The following PCCA variants were observed in gnomAD, a reference collection of about 807,000 sequenced individuals.
The protein encoded by PCCA is propionyl-CoA carboxylase subunit alpha, also known as propionyl-CoA carboxylase alpha chain, mitochondrial.
PCCA carries 74 observed loss-of-function variants against 101.3 expected under a neutral mutation model. The ratio of observed to expected loss-of-function variants is 0.73; its 90% CI spans 0.61 to 0.89. PCCA has a LOEUF of 0.89. Among genes scored for constraint, PCCA ranks in the 40% least tolerant of loss-of-function variants. The pLI is 0.00. For missense variants in PCCA, 891 were observed against 907.0 expected, an observed-to-expected ratio of 0.98 and a Z score of 0.23; for synonymous variants, 294 against 313.6, an observed-to-expected ratio of 0.94 and a Z score of 0.66.
intron 6 of PCCA, among the ~76,000 whole-genome samples, chr13:100,196,859 A>T (rs1240036712): frequency 6.6e-6 from 1 of 152,210 alleles, no homozygotes; most frequent in Admixed American, 6.5e-5. Flanking sequence ...TATCCTAATG[A>T]ATCAGCTAAA....
At chr13:100,454,410 T>C (rs1266443386) in intron 21 of PCCA, among the ~76,000 whole-genome samples, 3 of 152,194 alleles carry the variant, frequency 2.0e-5, no homozygotes, top group East Asian at 1.9e-4. Context: ...TTTCTGTGTG[T>C]GTTATTAGCA....
intron 6 of PCCA, among the ~76,000 whole-genome samples, chr13:100,174,413 C>A (rs2056032872): frequency 6.7e-6 from 1 of 148,718 alleles, no homozygotes; most frequent in South Asian, 2.2e-4. Flanking sequence ...TGTTGTGGTA[C>A]TCTTTTATGG....
chr13:100,204,676 G>T (rs897206689), intron 6 of PCCA, among the ~76,000 whole-genome samples: 7 of 151,996 alleles, frequency 4.6e-5, no homozygotes, highest in African/African-American at 1.5e-4. Flanking sequence ...TTAACATACT[G>T]CTCAAACCCA....
At chr13:100,141,989 G>A (rs908521641) in intron 4 of PCCA, among the ~76,000 whole-genome samples, 2 of 152,116 alleles carry the variant, frequency 1.3e-5, no homozygotes, top group East Asian at 3.9e-4. Context: ...CTAATGTTTT[G>A]GGAAATATGT....
At chr13:100,286,154 G>C (rs923284959) in intron 12 of PCCA, among the ~76,000 whole-genome samples, 1 of 152,188 alleles carries the variant, frequency 6.6e-6, no homozygotes, top group Non-Finnish European at 1.5e-5. Flanking sequence ...GGACTAAGAT[G>C]TTCTGTGAGT....
chr13:100,369,731 T>C (rs974582605), intron 19 of PCCA, among the ~76,000 whole-genome samples: 6 of 152,222 alleles, frequency 3.9e-5, no homozygotes, highest in Non-Finnish European at 7.3e-5. Context: ...ATGATGGAGT[T>C]AAACAGCTGT....
At chr13:100,495,023 G>C (rs4772300) in intron 21 of PCCA, among the ~76,000 whole-genome samples, 52,142 of 151,774 alleles carry the variant, frequency 0.34, 9,742 homozygotes, top group East Asian at 0.67. Flanking sequence ...GACCTTAGAG[G>C]TGCGATTCTC....
chr13:100,153,944 C>T (rs1338095720), intron 4 of PCCA, among the ~76,000 whole-genome samples: 1 of 151,932 alleles, frequency 6.6e-6, no homozygotes, highest in African/African-American at 2.4e-5. Flanking sequence ...TAAAAGACTA[C>T]TTTTTTAGTT....
At chr13:100,108,501 C>T (rs1306538018) in intron 2 of PCCA, among the ~76,000 whole-genome samples, 1 of 152,172 alleles carries the variant, frequency 6.6e-6, no homozygotes, top group Non-Finnish European at 1.5e-5. Context: ...CTCTCCTAAG[C>T]ATACCATGCG....
At chr13:100,405,373 G>C (rs1361693321) in intron 19 of PCCA, among the ~76,000 whole-genome samples, 1 of 152,080 alleles carries the variant, frequency 6.6e-6, no homozygotes. Context: ...GAACAAGCAG[G>C]GTTAGTCTAA....
In PCCA at chr13:100,208,130, G is replaced by A. The variant is rs180950780; in HGVS notation, c.469-1202G>A. Among the ~76,000 whole-genome samples the A allele has an allele frequency of 2.0e-5, 3 of 152,268 alleles. No homozygotes were observed. The East Asian group carries it at 5.8e-4, about 30-fold the overall frequency. ...TTGCAGAGGCCTGTCAGCTCAGCGT[G>A]TGCAAAGTTGGAGTCATCATCTCGC... On this transcript the variant is annotated intron_variant, in intron 6 of 23. Coordinates refer to ENST00000376285, the MANE Select transcript of PCCA (RefSeq NM_000282.4).
intron 21 of PCCA, among the ~76,000 whole-genome samples, chr13:100,502,287 G>A (rs148030646): frequency 1.3e-5 from 2 of 152,278 alleles, no homozygotes; most frequent in East Asian, 3.9e-4. Context: ...CCAGCCCCCT[G>A]ATCCAGGCAG....
chr13:100,168,725 C>A (rs1818032691), intron 6 of PCCA, among the ~76,000 whole-genome samples: 2 of 152,230 alleles, frequency 1.3e-5, no homozygotes, highest in African/African-American at 4.8e-5. Flanking sequence ...CCATCCCTTC[C>A]CTGTGAGTCT....
At chr13:100,238,110 T>G (rs2060914791) in intron 8 of PCCA, among the ~76,000 whole-genome samples, 1 of 151,960 alleles carries the variant, frequency 6.6e-6, no homozygotes, top group Non-Finnish European at 1.5e-5. Flanking sequence ...GCTAATTTTT[T>G]TGTATTTTTA....
rs1206200846 is a variant in PCCA, at chr13:100,165,386, A to G, written c.468+8046A>G. 3.9e-5 allele frequency among the ~76,000 whole-genome samples: 6 copies of G among 152,216 alleles called. No homozygotes were observed. In the South Asian group the frequency reaches 8.3e-4, roughly 21 times the overall value. On this transcript the variant is annotated intron_variant, in intron 6 of 23. Coordinates refer to ENST00000376285, the MANE Select transcript of PCCA (RefSeq NM_000282.4). ...TGGATATTTGTAATGTCCGCTTTACATAAGTTTAAGAGGTTTAATTTGACA... is the reference window on the plus strand; with the variant it reads ...TGGATATTTGTAATGTCCGCTTTACGTAAGTTTAAGAGGTTTAATTTGACA...
chr13:100,233,207 T>G (rs2060595829), intron 7 of PCCA, among the ~76,000 whole-genome samples: 1 of 152,220 alleles, frequency 6.6e-6, no homozygotes, highest in East Asian at 1.9e-4. Flanking sequence ...CAATTTCTTT[T>G]TAAAAAGATT....
rs763647197 is a variant in PCCA, at chr13:100,425,704, C to T, written c.1818C>T (p.Ser606=). 2.5e-6 allele frequency: 4 copies of T among 1,613,482 alleles called. No homozygotes were observed. Among genetic ancestry groups the T allele is most frequent in the East Asian group, 2.2e-5 (1 of 44,878 alleles). ...WNLASPLLSV[S]VDGTQRTVQC... ...TGGCTTCGCCCTTATTGTCTGTCAG[C>T]GTTGATGGCACTCAGAGGACTGTCC... Residue 606 remains serine (S), a synonymous_variant, in exon 20 of 24, where the codon AGC becomes AGT. Transcript: ENST00000376285.
At chr13:100,503,477 C>T (rs1180061593) in intron 21 of PCCA, among the ~76,000 whole-genome samples, 1 of 151,284 alleles carries the variant, frequency 6.6e-6, no homozygotes, top group African/African-American at 2.4e-5. Context: ...GCAACAAGAG[C>T]GAAACTCCAT....
intron 18 of PCCA, among the ~76,000 whole-genome samples, chr13:100,357,981 C>A (rs2074131779): frequency 6.6e-6 from 1 of 152,170 alleles, no homozygotes; most frequent in South Asian, 2.1e-4. Context: ...TGCTGGAATG[C>A]TGAATGAACT....
Sources: allele counts gnomAD v4.1 joint callset (sites outside exome capture counted in the v4.1 genomes callset), GRCh38; gene constraint gnomAD v4.1.1; transcripts MANE v1.5; gene names NCBI Gene and HGNC (gene_info 2026-07-23, HGNC 2026-07-21).